TENM3: variants seen among roughly 807,000 people sequenced by gnomAD.
TENM3 encodes teneurin transmembrane protein 3, also known as teneurin-3.
A neutral mutation model predicts 255.1 loss-of-function variants in TENM3; 63 were observed. The observed-to-expected ratio is 0.25, with a 90% CI of 0.20 to 0.30. TENM3 has a LOEUF of 0.30. TENM3 is among the 10% of genes least tolerant of loss of function. The pLI, the probability that TENM3 is intolerant of heterozygous loss-of-function variation, is 1.00. For synonymous variants in TENM3, 1,306 were observed against 1,322.3 expected, an observed-to-expected ratio of 0.99 and a Z score of 0.27; for missense variants, 2,929 against 3,461.1, an observed-to-expected ratio of 0.85 and a Z score of 3.86.
intron 3 of TENM3, among the ~76,000 whole-genome samples, chr4:182,506,762 G>A (rs1560844073): frequency 6.6e-6 from 1 of 152,168 alleles, no homozygotes; most frequent in Non-Finnish European, 1.5e-5. Flanking sequence ...TATGGAGTAG[G>A]TGAACTTGGC....
chr4:181,490,618 G>A, the TENM3 span, among the ~76,000 whole-genome samples: 3,956 of 152,272 alleles, frequency 0.026, 163 homozygotes, highest in African/African-American at 0.091. Flanking sequence ...AAGAGCTACA[G>A]AAACTCTTCC....
chr4:182,135,000 GATTGAGACC>G, the TENM3 span, among the ~76,000 whole-genome samples: 1 of 151,868 alleles, frequency 6.6e-6, no homozygotes, highest in East Asian at 1.9e-4. Context: ...GAGGTCAGGA[GATTGAGACC>G]ATCCTGGCCA....
chr4:182,224,092 T>A (rs17072897), intron 1 of TENM3, among the ~76,000 whole-genome samples: 9,531 of 152,252 alleles, frequency 0.063, 310 homozygotes, highest in Middle Eastern at 0.096. Flanking sequence ...TAAATCAAAC[T>A]GCTTTCTAAA....
chr4:182,428,898 T>G (rs1771426637), intron 3 of TENM3, among the ~76,000 whole-genome samples: 1 of 152,204 alleles, frequency 6.6e-6, no homozygotes, highest in Non-Finnish European at 1.5e-5. Context: ...TTGATATAAT[T>G]GCTTCTCTGT....
chr4:181,860,632 G>A, the TENM3 span, among the ~76,000 whole-genome samples: 2 of 152,114 alleles, frequency 1.3e-5, no homozygotes, highest in African/African-American at 4.8e-5. Context: ...TCAGGTTGAC[G>A]AAGGGCAGAG....
chr4:181,835,809 A>G, the TENM3 span, among the ~76,000 whole-genome samples: 2 of 152,232 alleles, frequency 1.3e-5, no homozygotes, highest in African/African-American at 2.4e-5. Context: ...CATAAATACT[A>G]CAAGTTATCT....
At chr4:181,719,737 T>C in the TENM3 span, among the ~76,000 whole-genome samples, 1 of 152,202 alleles carries the variant, frequency 6.6e-6, no homozygotes, top group South Asian at 2.1e-4. Context: ...TTCCCAGTGA[T>C]AGAAGATAGC....
At chr4:182,373,502 C>T (rs1172007175) in intron 3 of TENM3, among the ~76,000 whole-genome samples, 1 of 152,172 alleles carries the variant, frequency 6.6e-6, no homozygotes, top group Non-Finnish European at 1.5e-5. Context: ...ATGGCAAGAG[C>T]AGGAGCAAGA....
chr4:182,219,009 G>A (rs1755690048), intron 1 of TENM3, among the ~76,000 whole-genome samples: 1 of 152,228 alleles, frequency 6.6e-6, no homozygotes, highest in Non-Finnish European at 1.5e-5. Flanking sequence ...GATCACCTGA[G>A]GTCAGGAGCT....
At chr4:182,156,816 G>A (rs531536508) in intron 1 of TENM3, among the ~76,000 whole-genome samples, 2 of 152,154 alleles carry the variant, frequency 1.3e-5, no homozygotes, top group African/African-American at 4.8e-5. Context: ...CTCAAATCCA[G>A]CCCCACCTGT....
At chr4:181,673,846 GT>G in the TENM3 span, among the ~76,000 whole-genome samples, 9 of 27,464 alleles carry the variant, frequency 3.3e-4, no homozygotes, top group South Asian at 0.015. Flanking sequence ...GAAGTGTGTG[GT>G]GTGTGTGTGT....
At chr4:182,556,474 G>C in intron 3 of TENM3, among the ~76,000 whole-genome samples, 1 of 152,168 alleles carries the variant, frequency 6.6e-6, no homozygotes, top group Non-Finnish European at 1.5e-5. Context: ...AAAGTAATTA[G>C]TGAAATCATT....
the TENM3 span, among the ~76,000 whole-genome samples, chr4:181,785,243 G>T: frequency 6.6e-6 from 1 of 152,132 alleles, no homozygotes; most frequent in Non-Finnish European, 1.5e-5. Flanking sequence ...ATACAGATTT[G>T]TTTATCTGAG....
At position 182,681,841 on chromosome 4, in the gene TENM3, A is replaced by T. The variant is rs1756202636; in HGVS notation, c.1862A>T (p.Asn621Ile). ...GACTGTATAGACCCTGGGTGTTCTAATCATGGTGTGTGTATCCACGGGGAA... is the reference window on the plus strand; with the variant it reads ...GACTGTATAGACCCTGGGTGTTCTATTCATGGTGTGTGTATCCACGGGGAA... ...EADCIDPGCS[N>I]HGVCIHGECH... Residue 621 changes from asparagine to isoleucine, a missense_variant, in exon 11 of 28, where the codon AAT becomes ATT. Around this residue, in one of 6 missense-constraint regions of TENM3, gnomAD observed 1,608 missense variants for 1,884.4 expected, o/e 0.85. Transcript: ENST00000511685. 1 of 1,613,592 alleles carries T rather than the reference A, an allele frequency of 6.2e-7. No homozygotes were observed. The highest frequency in any genetic ancestry group is 8.5e-7 in the Non-Finnish European group (1 of 1,179,770).
the TENM3 span, among the ~76,000 whole-genome samples, chr4:182,027,165 G>T: frequency 6.6e-6 from 1 of 151,732 alleles, no homozygotes; most frequent in African/African-American, 2.4e-5. Flanking sequence ...GATCTTCTTA[G>T]GTATTTAATT....
At chr4:181,866,846 G>C in the TENM3 span, among the ~76,000 whole-genome samples, 1 of 152,056 alleles carries the variant, frequency 6.6e-6, no homozygotes, top group Non-Finnish European at 1.5e-5. Context: ...TTCTCTGATT[G>C]CTTCCTCCCT....
intron 5 of TENM3, among the ~76,000 whole-genome samples, chr4:182,650,805 A>G (rs570695121): frequency 6.6e-6 from 1 of 151,636 alleles, no homozygotes; most frequent in African/African-American, 2.4e-5. Flanking sequence ...TAAAGAGATA[A>G]TATTTCTGGA....
chr4:182,220,471 G>A (rs748194834), intron 1 of TENM3, among the ~76,000 whole-genome samples: 1 of 150,636 alleles, frequency 6.6e-6, no homozygotes, highest in African/African-American at 2.4e-5. Context: ...GGGCTCTGAC[G>A]GCCGATCTCT....
At chr4:181,884,960 A>G in the TENM3 span, among the ~76,000 whole-genome samples, 1 of 152,172 alleles carries the variant, frequency 6.6e-6, no homozygotes, top group Non-Finnish European at 1.5e-5. Context: ...TTTTATGGAA[A>G]ACATTTTTTA....
Sources: allele counts gnomAD v4.1 joint callset (sites outside exome capture counted in the v4.1 genomes callset), GRCh38; gene constraint gnomAD v4.1.1; regional missense constraint gnomAD v4.1.1; transcripts MANE v1.5; gene names NCBI Gene and HGNC (gene_info 2026-07-23, HGNC 2026-07-21).